Variants in PLXNA4 observed in about 807,000 individuals in gnomAD.
The protein encoded by PLXNA4 is plexin A4.
Under a neutral mutation model 191.8 loss-of-function variants are expected in PLXNA4, and 44 were observed. The ratio of observed to expected loss-of-function variants is 0.23; its 90% CI spans 0.18 to 0.29. The LOEUF (loss-of-function observed/expected upper bound fraction) is 0.29, where lower values mean the gene tolerates loss of function less well. PLXNA4 is among the 10% of genes least tolerant of loss of function. PLXNA4 has a pLI of 1.00. For missense variants in PLXNA4, 1,800 were observed against 2,488.8 expected (o/e 0.72, Z 5.89); for synonymous variants, 1,082 against 1,009.5 (o/e 1.07, Z -1.36).
intron 3 of PLXNA4, among the ~76,000 whole-genome samples, chr7:132,485,499 A>G (rs1797521207): frequency 6.6e-6 from 1 of 152,214 alleles, no homozygotes; most frequent in Admixed American, 6.5e-5. Flanking sequence ...AAAGCAAGAG[A>G]GGGAAAAGAT....
intron 1 of PLXNA4, among the ~76,000 whole-genome samples, chr7:132,562,928 C>CT (rs1349586244): frequency 2.1e-5 from 2 of 94,426 alleles, no homozygotes; most frequent in African/African-American, 9.1e-5. Flanking sequence ...TCCTCCTCCT[C>CT]TCCCTCCTCC....
At chr7:132,545,403 C>A (rs1800258414) in intron 1 of PLXNA4, among the ~76,000 whole-genome samples, 1 of 152,214 alleles carries the variant, frequency 6.6e-6, no homozygotes, top group East Asian at 1.9e-4. Context: ...CACTGAACCC[C>A]CAGCACCTGG....
chr7:132,431,547 A>G (rs2117197308), intron 3 of PLXNA4, among the ~76,000 whole-genome samples: 2 of 152,294 alleles, frequency 1.3e-5, no homozygotes, highest in South Asian at 4.1e-4. Flanking sequence ...GTGACTCAGA[A>G]GTTAAATGCC....
intron 3 of PLXNA4, among the ~76,000 whole-genome samples, chr7:132,441,279 C>A (rs188923829): frequency 2.3e-4 from 35 of 152,274 alleles, no homozygotes; most frequent in Admixed American, 5.9e-4. Flanking sequence ...TTTAAACTCG[C>A]CTTTGTCAAC....
chr7:132,546,357 G>A (rs1446682297), intron 1 of PLXNA4, among the ~76,000 whole-genome samples: 1 of 152,204 alleles, frequency 6.6e-6, no homozygotes, highest in Admixed American at 6.5e-5. Flanking sequence ...GACAGTTTTA[G>A]TGGGTTAAAT....
intron 4 of PLXNA4, among the ~76,000 whole-genome samples, chr7:132,270,782 A>G (rs150524369): frequency 1.1e-4 from 17 of 152,390 alleles, no homozygotes; most frequent in African/African-American, 3.8e-4. Context: ...GTGCCTACAC[A>G]ATATGAATGA....
chr7:132,478,805 T>G (rs1272933006), intron 3 of PLXNA4, among the ~76,000 whole-genome samples: 2 of 152,034 alleles, frequency 1.3e-5, no homozygotes, highest in Non-Finnish European at 2.9e-5. Context: ...CAACAATACC[T>G]GGGAACACTC....
chr7:132,491,989 G>A (rs1797827085), intron 2 of PLXNA4, among the ~76,000 whole-genome samples: 1 of 152,200 alleles, frequency 6.6e-6, no homozygotes, highest in African/African-American at 2.4e-5. Flanking sequence ...GGTGCTAGGG[G>A]TCCTCGTGGC....
At chr7:132,223,077 C>T (rs936361628) in intron 9 of PLXNA4, among the ~76,000 whole-genome samples, 1 of 152,162 alleles carries the variant, frequency 6.6e-6, no homozygotes, top group African/African-American at 2.4e-5. Context: ...ACAAGCTGAC[C>T]ATTCTTTCAT....
intron 1 of PLXNA4, among the ~76,000 whole-genome samples, chr7:132,535,539 G>A (rs1799798494): frequency 6.6e-6 from 1 of 152,110 alleles, no homozygotes; most frequent in African/African-American, 2.4e-5. Flanking sequence ...CCAGAGGAAA[G>A]GAAAGGGGTC....
intron 1 of PLXNA4, among the ~76,000 whole-genome samples, chr7:132,575,327 T>TG (rs1419767130): frequency 6.6e-6 from 1 of 152,128 alleles, no homozygotes; most frequent in Non-Finnish European, 1.5e-5. Context: ...CACGGGCGTC[T>TG]GGGGAGTGAT....
chr7:132,459,812 C>T (rs866219185), intron 3 of PLXNA4, among the ~76,000 whole-genome samples: 2 of 152,158 alleles, frequency 1.3e-5, no homozygotes, highest in African/African-American at 4.8e-5. Flanking sequence ...AATTACCTTC[C>T]GGTTTCGATG....
intron 9 of PLXNA4, among the ~76,000 whole-genome samples, chr7:132,222,199 G>A (rs537314834): frequency 6.6e-6 from 1 of 152,242 alleles, no homozygotes; most frequent in African/African-American, 2.4e-5. Flanking sequence ...TAGAACTCCT[G>A]CTCAGCCATC....
chr7:132,165,412 G>A (rs902213463), intron 22 of PLXNA4, among the ~76,000 whole-genome samples: 2 of 152,214 alleles, frequency 1.3e-5, no homozygotes, highest in African/African-American at 4.8e-5. Context: ...CTACAAAGCT[G>A]GAAGATGACA....
intron 13 of PLXNA4, among the ~76,000 whole-genome samples, chr7:132,197,943 C>A (rs1797302341): frequency 6.6e-6 from 1 of 152,086 alleles, no homozygotes; most frequent in Non-Finnish European, 1.5e-5. Context: ...ATTTACAAGG[C>A]CATGCATGAT....
At chr7:132,145,344 C>T (rs1795389809) in intron 28 of PLXNA4, 56 bp from the exon 29 acceptor site, 1 of 1,604,552 alleles carries the variant, frequency 6.2e-7, no homozygotes, top group Non-Finnish European at 8.5e-7. Context: ...CTGAGGATGG[C>T]TTTTAAAACC....
chr7:132,320,262 G>A (rs775250622), intron 3 of PLXNA4, among the ~76,000 whole-genome samples: 28 of 152,172 alleles, frequency 1.8e-4, no homozygotes, highest in African/African-American at 2.7e-4. Flanking sequence ...GGGCCGGTAG[G>A]GCTGAATCCT....
At chr7:132,474,192 G>A (rs1321830705) in intron 3 of PLXNA4, among the ~76,000 whole-genome samples, 1 of 149,046 alleles carries the variant, frequency 6.7e-6, no homozygotes, top group Non-Finnish European at 1.5e-5. Context: ...ACAGGGCTGA[G>A]CCAAGATCAG....
chr7:132,357,619 A>G (rs1803765727), intron 3 of PLXNA4, among the ~76,000 whole-genome samples: 1 of 152,164 alleles, frequency 6.6e-6, no homozygotes, highest in South Asian at 2.1e-4. Context: ...GGAGCCTCTG[A>G]CATCCCATCT....
Sources: allele counts gnomAD v4.1 joint callset (sites outside exome capture counted in the v4.1 genomes callset), GRCh38; gene constraint gnomAD v4.1.1; transcripts MANE v1.5; gene names NCBI Gene and HGNC (gene_info 2026-07-23, HGNC 2026-07-21).